Variants in TWSG1 observed in about 807,000 individuals in gnomAD.
TWSG1 encodes the protein twisted gastrulation BMP signaling modulator 1, also known as twisted gastrulation protein homolog 1.
A neutral mutation model predicts 23.0 loss-of-function variants in TWSG1; 15 were observed. The observed-to-expected ratio is 0.65, with a 90% CI of 0.44 to 1.00. The LOEUF is 1.00. Among genes scored for constraint, TWSG1 ranks in the 50% least tolerant of loss-of-function variants. The probability of loss-of-function intolerance (pLI) is 0.00; values close to 1 mark genes in which losing one functional copy is unlikely to be tolerated. For missense variants in TWSG1, 242 were observed against 278.7 expected (o/e 0.87, Z 0.94); for synonymous variants, 86 against 92.8 (o/e 0.93, Z 0.42).
chr18:9,398,220 T>C (rs1047370334), intron 4 of TWSG1, among the ~76,000 whole-genome samples: 8 of 152,180 alleles, frequency 5.3e-5, no homozygotes, highest in African/African-American at 1.9e-4. Flanking sequence ...TTTTCTCCAT[T>C]ATTAAAATGT....
intron 2 of TWSG1, among the ~76,000 whole-genome samples, chr18:9,341,886 G>C (rs146116438): frequency 1.3e-4 from 20 of 152,014 alleles, no homozygotes; most frequent in African/African-American, 3.6e-4. Context: ...ATTGAAGAGA[G>C]GGTTTGTTTG....
intron 3 of TWSG1, among the ~76,000 whole-genome samples, chr18:9,387,697 G>A (rs1271337344): frequency 6.6e-6 from 1 of 150,788 alleles, no homozygotes; most frequent in African/African-American, 2.4e-5. Flanking sequence ...TTGAACCCAG[G>A]AGGCAGAGGC....
At chr18:9,387,291 A>C (rs1343618289) in intron 3 of TWSG1, among the ~76,000 whole-genome samples, 1 of 152,234 alleles carries the variant, frequency 6.6e-6, no homozygotes, top group African/African-American at 2.4e-5. Flanking sequence ...ACTGAACAAG[A>C]AAATAATTCT....
At chr18:9,345,315 C>G (rs1044598613) in intron 2 of TWSG1, among the ~76,000 whole-genome samples, 2 of 152,084 alleles carry the variant, frequency 1.3e-5, no homozygotes, top group African/African-American at 4.8e-5. Context: ...ATTACCTAAG[C>G]CAAAGTCATA....
intron 2 of TWSG1, among the ~76,000 whole-genome samples, chr18:9,353,973 A>T (rs2040513493): frequency 6.6e-6 from 1 of 152,258 alleles, no homozygotes; most frequent in African/African-American, 2.4e-5. Context: ...AGTTGTATTC[A>T]GGTACTGAGA....
chr18:9,336,811 A>G (rs953525576), intron 1 of TWSG1, among the ~76,000 whole-genome samples: 3 of 152,204 alleles, frequency 2.0e-5, no homozygotes, highest in Non-Finnish European at 4.4e-5. Context: ...GTAGAGTTCT[A>G]GGTCCTTGAA....
intron 3 of TWSG1, among the ~76,000 whole-genome samples, chr18:9,385,908 C>G (rs1211842382): frequency 1.3e-5 from 2 of 152,078 alleles, no homozygotes; most frequent in Non-Finnish European, 2.9e-5. Context: ...GTGGCTCACA[C>G]CTGTAATCCC....
At chr18:9,366,915 T>C (rs1331118450) in intron 3 of TWSG1, among the ~76,000 whole-genome samples, 1 of 152,192 alleles carries the variant, frequency 6.6e-6, no homozygotes, top group Non-Finnish European at 1.5e-5. Context: ...TTTCTGTGTA[T>C]GGTGAGAACA....
chr18:9,382,648 A>G (rs552605529), intron 3 of TWSG1, among the ~76,000 whole-genome samples: 4 of 151,906 alleles, frequency 2.6e-5, no homozygotes, highest in Admixed American at 6.6e-5. Flanking sequence ...CTCTACTAAA[A>G]ATAAAAAAAT....
At chr18:9,349,272 C>T (rs1050299173) in intron 2 of TWSG1, among the ~76,000 whole-genome samples, 2 of 152,048 alleles carry the variant, frequency 1.3e-5, no homozygotes, top group African/African-American at 4.8e-5. Context: ...ATCTCAAGTC[C>T]CATTTTGTAT....
chr18:9,379,369 A>G (rs1410058047), intron 3 of TWSG1, among the ~76,000 whole-genome samples: 1 of 152,202 alleles, frequency 6.6e-6, no homozygotes, highest in Non-Finnish European at 1.5e-5. Flanking sequence ...TTGCGGGAAC[A>G]TGGATGGAAC....
Position 9,399,379 on chromosome 18 carries a change from G to A in TWSG1, c.524G>A (p.Cys175Tyr). 2 of 1,612,224 alleles carry A rather than the reference G, an allele frequency of 1.2e-6. No individual in the cohort carries two copies. Among genetic ancestry groups the A allele is most frequent in the Non-Finnish European group, 1.7e-6 (2 of 1,179,532 alleles). ...TGTACTGTGGTTTATTTTGATGACTGCATGTCCATACATCAGTGTAAAATA... is the reference window on the plus strand; with the variant it reads ...TGTACTGTGGTTTATTTTGATGACTACATGTCCATACATCAGTGTAAAATA... Reference protein sequence around the residue: ...HMCTVVYFDDCMSIHQCKISC... With the variant: ...HMCTVVYFDDYMSIHQCKISC... The change falls in exon 5 of 5, where the codon TGC (cysteine) becomes TAC (tyrosine). Residue 175 changes from cysteine to tyrosine, a missense_variant. Physicochemically the swap from Cys to Tyr is radical, Grantham distance 194. Coordinates refer to ENST00000262120, the MANE Select transcript of TWSG1 (RefSeq NM_020648.6).
At chr18:9,379,335 G>GA (rs527363591) in intron 3 of TWSG1, among the ~76,000 whole-genome samples, 35 of 152,258 alleles carry the variant, frequency 2.3e-4, no homozygotes, top group African/African-American at 8.4e-4. Context: ...TCTGCAGCCA[G>GA]AAAAAAGAAT....
At position 9,396,511 on chromosome 18, in the gene TWSG1, G is replaced by GA; in HGVS notation, c.455_456insA (p.Ser152ArgfsTer3). 6.2e-7 allele frequency: 1 copy of GA among 1,613,698 alleles called. No individual in the cohort carries two copies. Among genetic ancestry groups the GA allele is most frequent in the Non-Finnish European group, 8.5e-7 (1 of 1,180,034 alleles). On this transcript the variant is annotated frameshift_variant, in exon 4 of 5. Coordinates refer to ENST00000262120, the MANE Select transcript of TWSG1 (RefSeq NM_020648.6). LOFTEE classifies it high-confidence loss of function. ...CACCACCAGAATGTGTCTGTCCCCA[G>GA]CAATAATGTTCACGCGCCTTATTCC...
chr18:9,386,084 G>A (rs1405522393), intron 3 of TWSG1, among the ~76,000 whole-genome samples: 2 of 151,776 alleles, frequency 1.3e-5, no homozygotes, highest in African/African-American at 4.8e-5. Flanking sequence ...CAGGAGAATC[G>A]CTTGATCCCG....
At chr18:9,356,791 T>A (rs182022938) in intron 2 of TWSG1, among the ~76,000 whole-genome samples, 1 of 152,140 alleles carries the variant, frequency 6.6e-6, no homozygotes. Context: ...AATGCAAATA[T>A]TACAAAATCC....
At chr18:9,362,722 A>G (rs1568034490) in intron 3 of TWSG1, among the ~76,000 whole-genome samples, 1 of 152,094 alleles carries the variant, frequency 6.6e-6, no homozygotes. Flanking sequence ...AGAGTTCTGC[A>G]TTTTTTTCCA....
In TWSG1 at chr18:9,372,030, G is replaced by T. The variant is rs535596272; in HGVS notation, c.223+11959G>T. 4.6e-5 allele frequency among the ~76,000 whole-genome samples: 7 copies of T among 152,042 alleles called. No homozygotes were observed. The East Asian group carries it at 7.7e-4, about 17-fold the overall frequency. On this transcript the variant is annotated intron_variant, in intron 3 of 4. Transcript: ENST00000262120. ...TCCGCCCTCCTTGGCCTCCCAAAGT[G>T]CTGGGATTACAGCCGTGAGCCATCG... is the stretch of plus-strand genomic sequence containing the variant.
intron 3 of TWSG1, among the ~76,000 whole-genome samples, chr18:9,391,275 T>G (rs1405203905): frequency 6.6e-6 from 1 of 152,250 alleles, no homozygotes; most frequent in African/African-American, 2.4e-5. Context: ...TTTTGCTATT[T>G]CCACTACATT....
Sources: gnomAD v4.1 joint callset for allele counts (sites outside exome capture counted in the v4.1 genomes callset) on GRCh38, gnomAD v4.1.1 for gene constraint, MANE v1.5 for transcripts, NCBI Gene and HGNC (gene_info 2026-07-23, HGNC 2026-07-21) for gene names.